TXNDC15: variants seen among roughly 807,000 people sequenced by gnomAD.
The protein encoded by TXNDC15 is thioredoxin domain containing 15.
Under a neutral mutation model 35.0 loss-of-function variants are expected in TXNDC15, and 24 were observed. The observed-to-expected ratio is 0.68, with a 90% CI of 0.50 to 0.96. The LOEUF is 0.96. Ranked by LOEUF, TXNDC15 falls within the 40% of genes least tolerant of loss-of-function variation. TXNDC15 has a pLI of 0.00. For missense variants in TXNDC15, 385 were observed against 453.3 expected (o/e 0.85, Z 1.37); for synonymous variants, 169 against 174.0 (o/e 0.97, Z 0.23).
chr5:134,874,340 C>G (rs764875271), upstream of TXNDC15: 4 of 1,176,262 alleles, frequency 3.4e-6, no homozygotes, highest in Non-Finnish European at 4.6e-6. Flanking sequence ...GGGCCGCGCC[C>G]GCGCTCCCAG....
chr5:134,874,027 A>C, upstream of TXNDC15: 1 of 164,222 alleles, frequency 6.1e-6, no homozygotes, highest in Non-Finnish European at 1.3e-5. Flanking sequence ...ATGGGACACT[A>C]GAACAGGAAG....
intron 2 of TXNDC15, 108 bp downstream of exon 2, chr5:134,888,290 C>T (rs1030132662): frequency 9.5e-6 from 11 of 1,157,254 alleles, no homozygotes; most frequent in South Asian, 4.8e-5. Context: ...ATATTGTAAG[C>T]GAGATAGCAT....
Position 134,899,912 on chromosome 5 carries a change from T to C in TXNDC15, c.*227T>C. 1 of 448,942 alleles carries C rather than the reference T, an allele frequency of 2.2e-6. No individual in the cohort carries two copies. The highest frequency in any genetic ancestry group is 4.0e-5 in the South Asian group (1 of 24,790). The allele number at this position is 448,942 out of a possible 1,614,324, so 27.8% of individuals were successfully genotyped here. ...ATTCAATAGATGCACTATTCTTGTT[T>C]TTACTGCATGAACGTAATCCAGTAT... On this transcript the variant is annotated 3_prime_UTR_variant, in exon 5 of 5. Transcript: ENST00000358387.
At chr5:134,882,335 C>T (rs1251211801) in intron 1 of TXNDC15, among the ~76,000 whole-genome samples, 1 of 151,512 alleles carries the variant, frequency 6.6e-6, no homozygotes, top group South Asian at 2.1e-4. Context: ...GGCGGCCGGG[C>T]AGAGATGCTC....
At chr5:134,892,013 A>G (rs1301210949) in intron 2 of TXNDC15, among the ~76,000 whole-genome samples, 1 of 152,212 alleles carries the variant, frequency 6.6e-6, no homozygotes, top group Non-Finnish European at 1.5e-5. Flanking sequence ...CTTTGAAGCC[A>G]GGCATTGACA....
At chr5:134,893,365 T>C in intron 2 of TXNDC15, 127 bp from the exon 3 acceptor site, 1 of 1,092,172 alleles carries the variant, frequency 9.2e-7, no homozygotes, top group Middle Eastern at 2.3e-4. Context: ...TTCCGAGGGT[T>C]CCTTCTCTCG....
At chr5:134,874,367 C>A (rs373843509), upstream of TXNDC15, 711 of 1,447,768 alleles carry the variant, frequency 4.9e-4, 5 homozygotes, top group East Asian at 0.013. Flanking sequence ...CTCCCCCAGC[C>A]TTCCTCCGGC....
rs770635064 is a variant in TXNDC15 at position 134,899,653 on chromosome 5, A to T, written c.1051A>T (p.Ile351Phe). The T allele has an allele frequency of 5.6e-6, 9 of 1,611,820 alleles. No homozygotes were observed. Among genetic ancestry groups the T allele is most frequent in the Admixed American group, 3.4e-5 (2 of 59,368 alleles). Residue 351 changes from isoleucine to phenylalanine, a missense_variant, in exon 5 of 5, where the codon ATT becomes TTT. By Grantham distance (21) the Ile-to-Phe change is conservative. Coordinates refer to ENST00000358387, the MANE Select transcript of TXNDC15 (RefSeq NM_024715.4). ...TCGAACTGAGAGTATTCGGTGGCTA[A>T]TTCCAGGACAAGAGCAGGAACATGT... ...TIRTESIRWLIPGQEQEHVE is the reference protein window; with the variant it reads ...TIRTESIRWLFPGQEQEHVE
At chr5:134,894,604 A>G (rs1332568122) in intron 3 of TXNDC15, among the ~76,000 whole-genome samples, 1 of 152,094 alleles carries the variant, frequency 6.6e-6, no homozygotes, top group Non-Finnish European at 1.5e-5. Flanking sequence ...CTTGTGATCT[A>G]CCAGCCTCGG....
rs747146389 is a variant in TXNDC15 at position 134,893,645 on chromosome 5, C to T, written c.745C>T (p.Gln249Ter). 11 of 1,614,120 alleles carry T rather than the reference C, an allele frequency of 6.8e-6. No homozygotes were observed. The highest frequency in any genetic ancestry group is 9.3e-6 in the Non-Finnish European group (11 of 1,180,020). Residue 249 changes from glutamine (Q) to a stop codon, truncating the protein, a stop_gained, in exon 3 of 5, where the codon CAG becomes TAG. Coordinates refer to ENST00000358387, the MANE Select transcript of TXNDC15 (RefSeq NM_024715.4). LOFTEE classifies it high-confidence loss of function. Reference protein sequence around the residue: ...ALHFLALDASQHSSLSTRFGT... With the variant: ...ALHFLALDAS ...TCACTTTTTGGCACTGGATGCATCT[C>T]AGCACAGCAGGTATCTTCCATTGGT...
chr5:134,894,060 G>A (rs1750441213), intron 3 of TXNDC15, among the ~76,000 whole-genome samples: 1 of 152,114 alleles, frequency 6.6e-6, no homozygotes, highest in Non-Finnish European at 1.5e-5. Flanking sequence ...CCTGTTTTGT[G>A]TCTACTCAGG....
intron 1 of TXNDC15, among the ~76,000 whole-genome samples, chr5:134,885,565 G>C (rs1750259707): frequency 6.6e-6 from 1 of 152,174 alleles, no homozygotes; most frequent in Admixed American, 6.5e-5. Context: ...GGCCTCTGCA[G>C]ATCTCTGGAG....
chr5:134,893,835 A>G (rs1394081036), intron 3 of TXNDC15, among the ~76,000 whole-genome samples, 180 bp downstream of exon 3: 1 of 152,134 alleles, frequency 6.6e-6, no homozygotes, highest in Non-Finnish European at 1.5e-5. Context: ...TGGTGGTGTC[A>G]CTTTATGGAG....
intron 1 of TXNDC15, among the ~76,000 whole-genome samples, chr5:134,881,480 GT>G (rs1189446153): frequency 2.2e-5 from 2 of 89,660 alleles, no homozygotes; most frequent in Admixed American, 2.8e-4. Flanking sequence ...CACAGCACAT[GT>G]TTCAGAGAGC....
intron 1 of TXNDC15, among the ~76,000 whole-genome samples, chr5:134,886,111 A>G (rs1402443102): frequency 1.3e-5 from 2 of 151,116 alleles, no homozygotes; most frequent in African/African-American, 2.5e-5. Context: ...AAATACATTG[A>G]TCTGATCTTT....
intron 2 of TXNDC15, among the ~76,000 whole-genome samples, chr5:134,888,430 C>G (rs1481407817): frequency 1.3e-5 from 2 of 152,154 alleles, no homozygotes; most frequent in East Asian, 3.9e-4. Flanking sequence ...AGTCTCACCA[C>G]CAAACCTCAC....
intron 2 of TXNDC15, chr5:134,892,038 A>G (rs189211010): frequency 1.3e-5 from 2 of 152,334 alleles, no homozygotes; most frequent in South Asian, 2.1e-4. Flanking sequence ...TTGTCTAGCT[A>G]TGAAAGTCCT....
At chr5:134,894,108 C>T (rs1169532727) in intron 3 of TXNDC15, among the ~76,000 whole-genome samples, 1 of 151,800 alleles carries the variant, frequency 6.6e-6, no homozygotes, top group Non-Finnish European at 1.5e-5. Context: ...TCCTTCTTTT[C>T]CCTTTCCCTC....
intron 1 of TXNDC15, 77 bp downstream of exon 1, chr5:134,874,607 C>T: frequency 8.2e-7 from 1 of 1,218,434 alleles, no homozygotes; most frequent in Non-Finnish European, 1.1e-6. Flanking sequence ...TGGACCTGCG[C>T]GAAGGCCGGC....
Sources: allele counts gnomAD v4.1 joint callset (sites outside exome capture counted in the v4.1 genomes callset), GRCh38; gene constraint gnomAD v4.1.1; transcripts MANE v1.5; gene names NCBI Gene and HGNC (gene_info 2026-07-23, HGNC 2026-07-21).